EHBP1: variants seen among roughly 807,000 people sequenced by gnomAD.
EHBP1 encodes EH domain-binding protein 1.
EHBP1 carries 55 observed loss-of-function variants against 144.0 expected under a neutral mutation model. That is an observed-to-expected ratio of 0.38 (90% CI 0.31 to 0.48). EHBP1 has a LOEUF of 0.48. Ranked by LOEUF, EHBP1 falls within the 20% of genes least tolerant of loss-of-function variation. EHBP1 has a pLI of 0.98. For missense variants in EHBP1, 1,200 were observed against 1,364.2 expected, an observed-to-expected ratio of 0.88 and a Z score of 1.90; for synonymous variants, 469 against 472.7, an observed-to-expected ratio of 0.99 and a Z score of 0.10.
At position 62,948,875 on chromosome 2, in the gene EHBP1, C is replaced by T. The variant is rs762320362; in HGVS notation, c.2029C>T (p.Pro677Ser). ...VSDKKKDMSP[P>S]FICEETDEQK... ...TGATAAGAAGAAGGATATGTCTCCA[C>T]CCTTTATTTGTGAGGAGACAGATGA... The change falls in exon 13 of 23, where the codon CCC becomes TCC. Residue 677 changes from proline (P) to serine (S), a missense_variant. By Grantham distance (74) the Pro-to-Ser change is moderately conservative (BLOSUM62 -1). Around this residue, in one of 6 missense-constraint regions of EHBP1, gnomAD observed 543 missense variants for 513.1 expected, o/e 1.06. Coordinates refer to ENST00000431489, the MANE Select transcript of EHBP1 (RefSeq NM_001142616.3). 2 of 1,613,876 alleles carry T rather than the reference C, an allele frequency of 1.2e-6. No individual in the cohort carries two copies. The highest frequency in any genetic ancestry group is 1.3e-5 in the African/African-American group (1 of 74,888).
At chr2:62,897,960 A>G (rs1388773886) in intron 10 of EHBP1, among the ~76,000 whole-genome samples, 1 of 152,166 alleles carries the variant, frequency 6.6e-6, no homozygotes, top group Non-Finnish European at 1.5e-5. Context: ...TTCTCTAAAG[A>G]GCTGAATTTT....
chr2:62,807,480 G>A (rs1050130776), intron 5 of EHBP1, among the ~76,000 whole-genome samples: 2 of 152,106 alleles, frequency 1.3e-5, no homozygotes, highest in African/African-American at 4.8e-5. Context: ...CCCAGGAGGC[G>A]GAGGTTGCAG....
chr2:63,023,033 G>T (rs1296626768), intron 19 of EHBP1, among the ~76,000 whole-genome samples: 1 of 152,114 alleles, frequency 6.6e-6, no homozygotes, highest in Non-Finnish European at 1.5e-5. Context: ...AATTAGCTGG[G>T]CGTGGTGGTG....
At chr2:62,950,347 A>G (rs1178916252) in intron 13 of EHBP1, among the ~76,000 whole-genome samples, 1 of 152,150 alleles carries the variant, frequency 6.6e-6, no homozygotes, top group Non-Finnish European at 1.5e-5. Context: ...TGGAAGTTAC[A>G]TGATTTGTGA....
rs1419957444 is a variant in EHBP1 at position 62,948,637 on chromosome 2, T to G, written c.1791T>G (p.Asp597Glu). The part of the protein sequence containing the change: ...GESESEHQTP[D>E]DHLSPSTASP... ...CAGAAAGTGAGCATCAAACTCCTGA[T>G]GATCACCTTAGTCCAAGCACAGCCT... The change falls in exon 13 of 23, where the codon GAT (aspartate) becomes GAG (glutamate). Residue 597 changes from aspartate to glutamate, a missense_variant. Around this residue, in one of 6 missense-constraint regions of EHBP1, gnomAD observed 543 missense variants for 513.1 expected, o/e 1.06. Transcript: ENST00000431489. 1 of 1,613,974 alleles carries G rather than the reference T, an allele frequency of 6.2e-7. No individual in the cohort carries two copies. Among genetic ancestry groups the G allele is most frequent in the Non-Finnish European group, 8.5e-7 (1 of 1,179,974 alleles).
At chr2:62,878,174 A>G (rs950558568) in intron 10 of EHBP1, among the ~76,000 whole-genome samples, 4 of 152,212 alleles carry the variant, frequency 2.6e-5, no homozygotes, top group African/African-American at 9.7e-5. Context: ...TAGGAAAAAC[A>G]TTCAGAGACT....
intron 1 of EHBP1, among the ~76,000 whole-genome samples, chr2:62,689,889 G>A (rs888938486): frequency 6.6e-6 from 1 of 152,176 alleles, no homozygotes; most frequent in African/African-American, 2.4e-5. Flanking sequence ...CTACTAAAAA[G>A]CAGTAGTGTT....
intron 1 of EHBP1, among the ~76,000 whole-genome samples, chr2:62,682,277 G>C (rs1411448021): frequency 1.3e-5 from 2 of 152,124 alleles, no homozygotes; most frequent in Non-Finnish European, 2.9e-5. Context: ...GATAAATAAG[G>C]GATCTTATAA....
intron 1 of EHBP1, among the ~76,000 whole-genome samples, chr2:62,682,189 A>C (rs977983148): frequency 2.6e-5 from 4 of 152,280 alleles, no homozygotes; most frequent in African/African-American, 9.6e-5. Context: ...ATCAAACTCT[A>C]TGACAGCAGA....
rs149852229 is a variant in EHBP1 at position 62,934,569 on chromosome 2, T to C, written c.1186-8149T>C. Among the ~76,000 whole-genome samples the C allele has an allele frequency of 5.3e-5, 8 of 152,318 alleles. No homozygotes were observed. The East Asian group carries it at 1.4e-3, about 26-fold the overall frequency. ...ATTAGCATTACAGCATCAGGTATGC[T>C]AGGCCATATTTTAGTTCCTCATGTC... On this transcript the variant is annotated intron_variant, in intron 10 of 22. Coordinates refer to ENST00000431489, the MANE Select transcript of EHBP1 (RefSeq NM_001142616.3).
At chr2:63,005,865 G>C (rs1015110011) in intron 19 of EHBP1, among the ~76,000 whole-genome samples, 2 of 151,982 alleles carry the variant, frequency 1.3e-5, no homozygotes, top group African/African-American at 4.8e-5. Context: ...CCCTGCTTTA[G>C]AGGAGGTAAA....
rs189845597 is a variant in EHBP1, at chr2:62,751,531, A to G, written c.162+4079A>G. On this transcript the variant is annotated intron_variant, in intron 3 of 22. Coordinates refer to ENST00000431489, the MANE Select transcript of EHBP1 (RefSeq NM_001142616.3). The stretch of plus-strand genomic sequence containing the variant: ...GTTAGGGAGGATTTCCTCTTTTTCT[A>G]TTGATTGGAATAGTTTCAGAAGGAA... 4.6e-4 allele frequency among the ~76,000 whole-genome samples: 70 copies of G among 152,124 alleles called. 1 individual carries two copies. Among genetic ancestry groups the G allele is most frequent in the African/African-American group, 1.4e-3 (57 of 41,496 alleles).
chr2:62,733,840 C>T (rs2037849493), intron 2 of EHBP1, among the ~76,000 whole-genome samples: 1 of 152,132 alleles, frequency 6.6e-6, no homozygotes, highest in Non-Finnish European at 1.5e-5. Context: ...CACATCCAAC[C>T]TCTAGTAATT....
chr2:62,902,394 A>G (rs1185218599), intron 10 of EHBP1, among the ~76,000 whole-genome samples: 2 of 152,214 alleles, frequency 1.3e-5, no homozygotes, highest in African/African-American at 4.8e-5. Context: ...GGGGAAGAGT[A>G]AAAATAGTCC....
intron 10 of EHBP1, among the ~76,000 whole-genome samples, chr2:62,880,379 C>G (rs1323727803): frequency 6.8e-6 from 1 of 147,798 alleles, no homozygotes; most frequent in South Asian, 2.1e-4. Context: ...ATAAATGAGA[C>G]CTAATCAAAC....
In EHBP1 at chr2:62,747,442, A is replaced by G; in HGVS notation, c.152A>G (p.Lys51Arg). Reference protein sequence around the residue: ...VVVWTRRSRRKSSKAHSWQPG... With the variant: ...VVVWTRRSRRRSSKAHSWQPG... ...GTTTGGACCAGAAGAAGCCGAAGGA[A>G]GTCTTCTAAGGTTAGTGTATTTTCT... Residue 51 changes from lysine (K) to arginine (R), a missense_variant, in exon 3 of 23, where the codon AAG (lysine) becomes AGG (arginine). By Grantham distance (26) the Lys-to-Arg change is conservative. Coordinates refer to ENST00000431489, the MANE Select transcript of EHBP1 (RefSeq NM_001142616.3). 6.2e-7 allele frequency: 1 copy of G among 1,609,154 alleles called. No homozygotes were observed. The highest frequency in any genetic ancestry group is 8.5e-7 in the Non-Finnish European group (1 of 1,177,352).
chr2:62,855,489 C>T (rs2048978837), intron 7 of EHBP1, among the ~76,000 whole-genome samples: 1 of 152,096 alleles, frequency 6.6e-6, no homozygotes, highest in Non-Finnish European at 1.5e-5. Flanking sequence ...GGTGAGGCCC[C>T]ACCTTCAGGC....
At chr2:62,753,536 T>G (rs2039962470) in intron 3 of EHBP1, among the ~76,000 whole-genome samples, 1 of 152,196 alleles carries the variant, frequency 6.6e-6, no homozygotes, top group Non-Finnish European at 1.5e-5. Context: ...TTCCTGAATT[T>G]GAATGTTGGC....
rs76139453 is a variant in EHBP1, at chr2:62,894,927, A to G, written c.1185+20395A>G. Reference sequence around the variant, plus strand: ...CAAGACCCTAGCAAAAACAGAAAGAAAGAGAGAGAGAGAGAGAGAGAGAGA... The same window carrying G: ...CAAGACCCTAGCAAAAACAGAAAGAGAGAGAGAGAGAGAGAGAGAGAGAGA... On this transcript the variant is annotated intron_variant, in intron 10 of 22. Transcript: ENST00000431489. Among the ~76,000 whole-genome samples, 621 of 141,182 alleles carry G rather than the reference A, an allele frequency of 4.4e-3. 3 individuals carry two copies. Among genetic ancestry groups the G allele is most frequent in the Non-Finnish European group, 6.4e-3 (421 of 65,770 alleles). 92.6% of individuals were successfully genotyped at this position (141,182 alleles called of 152,430 possible).
Sources: gnomAD v4.1 joint callset for allele counts (sites outside exome capture counted in the v4.1 genomes callset) on GRCh38, gnomAD v4.1.1 for gene constraint, gnomAD v4.1.1 regional missense constraint, MANE v1.5 for transcripts, NCBI Gene and HGNC (gene_info 2026-07-23, HGNC 2026-07-21) for gene names.